CYP39A1: variants seen among roughly 807,000 people sequenced by gnomAD.
CYP39A1 encodes the protein cytochrome P450 family 39 subfamily A member 1.
Under a neutral mutation model 58.1 loss-of-function variants are expected in CYP39A1, and 49 were observed. The observed-to-expected ratio is 0.84, with a 90% confidence interval of 0.67 to 1.07. The LOEUF (loss-of-function observed/expected upper bound fraction) is 1.07, where lower values mean the gene tolerates loss of function less well. Among genes scored for constraint, CYP39A1 ranks in the 50% least tolerant of loss-of-function variants. The pLI, the probability that CYP39A1 is intolerant of heterozygous loss-of-function variation, is 0.00. For missense variants in CYP39A1, 531 were observed against 539.4 expected (o/e 0.98, Z 0.16); for synonymous variants, 209 against 187.6 (o/e 1.11, Z -0.93).
chr6:46,580,612 A>C (rs767741894), intron 10 of CYP39A1, among the ~76,000 whole-genome samples: 6 of 152,242 alleles, frequency 3.9e-5, no homozygotes, highest in Non-Finnish European at 8.8e-5. Context: ...CATCTCACAA[A>C]GGTCTAATAT....
At chr6:46,635,713 C>A (rs192912329) in intron 5 of CYP39A1, among the ~76,000 whole-genome samples, 1 of 152,218 alleles carries the variant, frequency 6.6e-6, no homozygotes, top group Non-Finnish European at 1.5e-5. Flanking sequence ...TGCAACCATG[C>A]CTGGCTAATT....
chr6:46,609,006 C>T (rs1028426973), intron 7 of CYP39A1, among the ~76,000 whole-genome samples: 1 of 152,040 alleles, frequency 6.6e-6, no homozygotes, highest in African/African-American at 2.4e-5. Context: ...TATTTGTTGA[C>T]TTGTCTCTAA....
At chr6:46,612,334 G>A (rs1774266387) in intron 7 of CYP39A1, among the ~76,000 whole-genome samples, 1 of 152,196 alleles carries the variant, frequency 6.6e-6, no homozygotes, top group African/African-American at 2.4e-5. Context: ...TAGGTTAGTA[G>A]ATAGGAAAAT....
At chr6:46,622,375 T>C (rs957575342) in intron 7 of CYP39A1, among the ~76,000 whole-genome samples, 1 of 152,072 alleles carries the variant, frequency 6.6e-6, no homozygotes, top group Non-Finnish European at 1.5e-5. Flanking sequence ...AGTTGATGCA[T>C]GTTACATGCA....
At chr6:46,592,525 C>G (rs1316959459) in intron 8 of CYP39A1, among the ~76,000 whole-genome samples, 1 of 152,124 alleles carries the variant, frequency 6.6e-6, no homozygotes, top group Non-Finnish European at 1.5e-5. Context: ...TTCATCTTCA[C>G]ACTGTTTATA....
At chr6:46,592,124 G>T (rs1019483928) in intron 8 of CYP39A1, among the ~76,000 whole-genome samples, 1 of 152,134 alleles carries the variant, frequency 6.6e-6, no homozygotes, top group Non-Finnish European at 1.5e-5. Flanking sequence ...AAGAAAGAAT[G>T]CAGTAAATCC....
At chr6:46,557,008 T>A (rs1326378176) in intron 10 of CYP39A1, among the ~76,000 whole-genome samples, 1 of 152,118 alleles carries the variant, frequency 6.6e-6, no homozygotes, top group Non-Finnish European at 1.5e-5. Context: ...AGATAAGATA[T>A]TTTAAAAATA....
chr6:46,587,949 G>T, intron 9 of CYP39A1, 85 bp downstream of exon 9: 2 of 755,064 alleles, frequency 2.6e-6, no homozygotes, highest in Non-Finnish European at 4.2e-6. Context: ...TAATTATATA[G>T]TCCTAATTAA....
At position 46,553,675 on chromosome 6, in the gene CYP39A1, G is replaced by C. The variant is rs571649710; in HGVS notation, c.1338+92C>G. The C allele has an allele frequency of 1.6e-5, 13 of 812,126 alleles. No individual in the cohort carries two copies. The South Asian group carries it at 1.9e-4, about 12-fold the overall frequency. The allele number at this position is 812,126 out of a possible 1,614,324, so 50.3% of individuals were successfully genotyped here. A position where few individuals can be genotyped will look rare whatever the true frequency, so the allele number is the denominator to read the frequency against. On this transcript the variant is annotated intron_variant, in intron 11 of 11. Coordinates refer to ENST00000275016, the MANE Select transcript of CYP39A1 (RefSeq NM_016593.5). ...ATCAGGCCTAAGTGAGGAAATGTCA[G>C]CTCATCTCTAGTAATCAAAATTGGG...
rs200220385 is a variant in CYP39A1 at position 46,587,181 on chromosome 6, A to ATT, written c.1162-18_1162-17dup. ...TCCAACGTTCCTGTGGGAAGAAAAC[A>ATT]TTTTTTTTTCCAAATCAGCCTTATA... On this transcript the variant is annotated splice_polypyrimidine_tract_variant and intron_variant, in intron 9 of 11. Coordinates refer to ENST00000275016, the MANE Select transcript of CYP39A1 (RefSeq NM_016593.5). The ATT allele has an allele frequency of 3.2e-6, 5 of 1,545,506 alleles. No homozygotes were observed. The South Asian group carries it at 5.7e-5, about 18-fold the overall frequency.
At chr6:46,578,771 A>C (rs1771973626) in intron 10 of CYP39A1, among the ~76,000 whole-genome samples, 1 of 152,070 alleles carries the variant, frequency 6.6e-6, no homozygotes, top group Non-Finnish European at 1.5e-5. Context: ...ACAGACCAAT[A>C]ATGAGTTCTG....
At chr6:46,633,210 A>G (rs1257975271) in intron 5 of CYP39A1, among the ~76,000 whole-genome samples, 1 of 152,196 alleles carries the variant, frequency 6.6e-6, no homozygotes, top group Non-Finnish European at 1.5e-5. Context: ...AAAATAGTTT[A>G]GATATGAATT....
intron 2 of CYP39A1, 98 bp from the exon 3 acceptor site, chr6:46,639,766 C>A: frequency 1.0e-6 from 1 of 978,366 alleles, no homozygotes. Flanking sequence ...GGACTACAGC[C>A]AAAGTCCTCT....
chr6:46,574,009 C>G (rs1320195273), intron 10 of CYP39A1, among the ~76,000 whole-genome samples: 1 of 152,130 alleles, frequency 6.6e-6, no homozygotes, highest in Non-Finnish European at 1.5e-5. Context: ...AGACTGATTT[C>G]TATATTGAAG....
chr6:46,620,676 G>A (rs1774904256), intron 7 of CYP39A1, among the ~76,000 whole-genome samples: 1 of 152,132 alleles, frequency 6.6e-6, no homozygotes, highest in Non-Finnish European at 1.5e-5. Flanking sequence ...TCTGGCACAG[G>A]TAGAAAGCGA....
intron 6 of CYP39A1, among the ~76,000 whole-genome samples, chr6:46,630,602 G>A (rs919053542): frequency 2.0e-5 from 3 of 152,036 alleles, no homozygotes; most frequent in African/African-American, 7.3e-5. Flanking sequence ...AAAGCATGTG[G>A]CCAATCCCTA....
rs1582306796 is a variant in CYP39A1 at position 46,568,444 on chromosome 6, C to T, written c.1251-14590G>A. 5.9e-5 allele frequency among the ~76,000 whole-genome samples: 9 copies of T among 151,806 alleles called. No individual in the cohort carries two copies. In the South Asian group the frequency reaches 1.4e-3, roughly 24 times the overall value. On this transcript the variant is annotated intron_variant, in intron 10 of 11. Transcript: ENST00000275016. ...GTCTATTTTTCATTTGTTGTTTGTGCCTTTGGTGTCATATCCAAAAATTAA... is the reference window on the plus strand; with the variant it reads ...GTCTATTTTTCATTTGTTGTTTGTGTCTTTGGTGTCATATCCAAAAATTAA...
chr6:46,591,224 G>GT (rs1332838086), intron 8 of CYP39A1, among the ~76,000 whole-genome samples: 1 of 151,972 alleles, frequency 6.6e-6, no homozygotes, highest in African/African-American at 2.4e-5. Flanking sequence ...ATGTTTGAGA[G>GT]TTTTTCCATT....
Position 46,652,515 on chromosome 6 carries a change from C to G in CYP39A1, c.68G>C (p.Arg23Pro), listed in dbSNP as rs12192544. The change falls in exon 1 of 12, where the codon CGG becomes CCG. Residue 23 changes from arginine to proline, a missense_variant. Transcript: ENST00000275016. ...GCLALFLLLQ[R>P]KNLRRPPCIK... ...GCACGGGGGTCTACGCAAATTCTTCCGCTGAAGGAGTAAGAACAGAGCAAG... is the reference window on the plus strand; with the variant it reads ...GCACGGGGGTCTACGCAAATTCTTCGGCTGAAGGAGTAAGAACAGAGCAAG... The G allele has an allele frequency of 0.21, 341,647 of 1,612,888 alleles. 38,328 individuals are homozygous for G. The highest frequency in any genetic ancestry group is 0.29 in the South Asian group (25,996 of 90,874).
Sources: gnomAD v4.1 joint callset for allele counts (sites outside exome capture counted in the v4.1 genomes callset) on GRCh38, gnomAD v4.1.1 for gene constraint, MANE v1.5 for transcripts, NCBI Gene and HGNC (gene_info 2026-07-23, HGNC 2026-07-21) for gene names.